Variants in DYNC2H1 observed in about 807,000 individuals in gnomAD.
DYNC2H1 encodes the protein cytoplasmic dynein 2 heavy chain 1.
Under a neutral mutation model 570.0 loss-of-function variants are expected in DYNC2H1, and 410 were observed. That is an observed-to-expected ratio of 0.72 (90% CI 0.66 to 0.78). The LOEUF (loss-of-function observed/expected upper bound fraction) is 0.78, where lower values mean the gene tolerates loss of function less well. DYNC2H1 is among the 30% of genes least tolerant of loss of function. The pLI is 0.00. For synonymous variants in DYNC2H1, 1,688 were observed against 1,677.6 expected (o/e 1.01, Z -0.15); for missense variants, 4,865 against 5,046.4 (o/e 0.96, Z 1.09).
At chr11:103,314,283 A>T (rs1344260385) in intron 79 of DYNC2H1, among the ~76,000 whole-genome samples, 4 of 152,132 alleles carry the variant, frequency 2.6e-5, no homozygotes, top group Non-Finnish European at 5.9e-5. Flanking sequence ...TTTATAACTC[A>T]AACAGTAGGT....
intron 85 of DYNC2H1, among the ~76,000 whole-genome samples, chr11:103,442,409 T>G (rs1363187827): frequency 1.3e-5 from 2 of 152,148 alleles, no homozygotes; most frequent in Non-Finnish European, 2.9e-5. Context: ...TTAGGGTATA[T>G]ATCTGAAATT....
At position 103,165,981 on chromosome 11, in the gene DYNC2H1, A is replaced by G. The variant is rs1459995578; in HGVS notation, c.4695A>G (p.Thr1565=). ...IKDHSLHQIE[T]QLVNKLEQYT... ...ATCATAGTCTTCATCAGATTGAAAC[A>G]CAACTGGTGAATAAGTTAGAGCAAT... Residue 1565 remains threonine, a synonymous_variant, in exon 31 of 89, where the codon ACA becomes ACG. Coordinates refer to ENST00000375735, the MANE Select transcript of DYNC2H1 (RefSeq NM_001377.3). 1 of 1,531,348 alleles carries G rather than the reference A, an allele frequency of 6.5e-7. No homozygotes were observed. 94.9% of individuals were successfully genotyped at this position (1,531,348 alleles called of 1,614,324 possible).
chr11:103,196,516 A>G (rs1041835918), intron 47 of DYNC2H1, among the ~76,000 whole-genome samples: 4 of 152,194 alleles, frequency 2.6e-5, no homozygotes, highest in Admixed American at 6.5e-5. Context: ...GGACTAGCCC[A>G]GAACATAGGA....
chr11:103,210,649 G>A (rs1245819644), intron 53 of DYNC2H1, among the ~76,000 whole-genome samples: 1 of 152,054 alleles, frequency 6.6e-6, no homozygotes, highest in Non-Finnish European at 1.5e-5. Context: ...CTTCAGACTA[G>A]CAGATATTAT....
Position 103,464,538 on chromosome 11 carries a change from AG to A in DYNC2H1, c.12649-4050del, listed in dbSNP as rs200046454. ...CAAAGTACCAAAAATAATAAACAAAAGTAAATTAAAGAGGAAAATCTTCAAA... is the reference window on the plus strand; with the variant it reads ...CAAAGTACCAAAAATAATAAACAAAATAAATTAAAGAGGAAAATCTTCAAA... On this transcript the variant is annotated intron_variant, in intron 87 of 88. Transcript: ENST00000375735. Among the ~76,000 whole-genome samples, 760 of 152,304 alleles carry A rather than the reference AG, an allele frequency of 5.0e-3. 26 individuals are homozygous for A. The highest frequency in any genetic ancestry group is 0.045 in the Admixed American group (687 of 15,296).
In DYNC2H1 at chr11:103,323,042, G is replaced by A. The variant is rs1251461011; in HGVS notation, c.11935-844G>A. 2.6e-5 allele frequency among the ~76,000 whole-genome samples: 4 copies of A among 152,262 alleles called. No individual in the cohort carries two copies. In the South Asian group the frequency reaches 8.3e-4, roughly 32 times the overall value. On this transcript the variant is annotated intron_variant, in intron 81 of 88. Coordinates refer to ENST00000375735, the MANE Select transcript of DYNC2H1 (RefSeq NM_001377.3). ...ACTGTCTCCTTGGAAATACTTCAGGGTCAGCTGCCAAGGATAAGAACGGAT... is the reference window on the plus strand; with the variant it reads ...ACTGTCTCCTTGGAAATACTTCAGGATCAGCTGCCAAGGATAAGAACGGAT...
At chr11:103,460,441 A>T (rs1035824260) in intron 87 of DYNC2H1, among the ~76,000 whole-genome samples, 8 of 136,834 alleles carry the variant, frequency 5.8e-5, no homozygotes, top group Admixed American at 1.6e-4. Context: ...CAACCAGAAA[A>T]TCCCAAGCTT....
At chr11:103,391,993 G>A (rs944197855) in intron 83 of DYNC2H1, among the ~76,000 whole-genome samples, 114 of 152,296 alleles carry the variant, frequency 7.5e-4, no homozygotes, top group African/African-American at 1.5e-3. Flanking sequence ...CTCAAACTCC[G>A]TGCTGGGAGA....
intron 74 of DYNC2H1, 57 bp from the exon 75 acceptor site, chr11:103,287,471 TGTTTA>T: frequency 1.6e-6 from 2 of 1,251,896 alleles, no homozygotes; most frequent in Non-Finnish European, 2.3e-6. Flanking sequence ...CATTAATTAT[TGTTTA>T]GTTAAAGTAG....
At chr11:103,224,317 T>G (rs1420533560) in intron 59 of DYNC2H1, among the ~76,000 whole-genome samples, 4 of 152,182 alleles carry the variant, frequency 2.6e-5, no homozygotes, top group Admixed American at 6.5e-5. Context: ...AATGAAATCT[T>G]TAGTGGTGAT....
At chr11:103,137,743 G>GT (rs879644786) in intron 17 of DYNC2H1, among the ~76,000 whole-genome samples, 3 of 152,124 alleles carry the variant, frequency 2.0e-5, no homozygotes, top group Non-Finnish European at 2.9e-5. Context: ...CTTTAAAGTA[G>GT]TTTTTTCCAA....
Position 103,365,370 on chromosome 11 carries a change from A to AT in DYNC2H1, c.12156+7011_12156+7012insT, listed in dbSNP as rs982465346. Among the ~76,000 whole-genome samples, 21 of 151,866 alleles carry AT rather than the reference A, an allele frequency of 1.4e-4. 1 individual carries two copies. Among genetic ancestry groups the AT allele is most frequent in the African/African-American group, 5.1e-4 (21 of 41,322 alleles). On this transcript the variant is annotated intron_variant, in intron 83 of 88. Transcript: ENST00000375735. Reference sequence around the variant, plus strand: ...GAGCGAAATTCCGGCTCAGGAAAAAAAAAAAAGTGTATTGGCCTTTTGTAA... The same window carrying AT: ...GAGCGAAATTCCGGCTCAGGAAAAAATAAAAAAGTGTATTGGCCTTTTGTAA...
At chr11:103,430,585 C>T (rs539669675) in intron 84 of DYNC2H1, among the ~76,000 whole-genome samples, 5 of 152,152 alleles carry the variant, frequency 3.3e-5, no homozygotes, top group African/African-American at 7.2e-5. Flanking sequence ...GTCACTTCCT[C>T]GCTTAAAGGT....
chr11:103,233,255 A>C (rs1864081420), intron 60 of DYNC2H1, among the ~76,000 whole-genome samples: 1 of 150,982 alleles, frequency 6.6e-6, no homozygotes, highest in South Asian at 2.1e-4. Flanking sequence ...TAAGATTTAT[A>C]ATACTTAACT....
rs1393484565 is a variant in DYNC2H1 at position 103,188,655 on chromosome 11, A to T, written c.7292+7A>T. On this transcript the variant is annotated splice_region_variant and intron_variant, in intron 44 of 88. Transcript: ENST00000375735. Reference sequence around the variant, plus strand: ...TTCGTCTTTGTTCTATAGAGTATGTATCTTTGTGTTTCAGATTTTTTAATT... The same window carrying T: ...TTCGTCTTTGTTCTATAGAGTATGTTTCTTTGTGTTTCAGATTTTTTAATT... The T allele has an allele frequency of 3.9e-6, 6 of 1,521,202 alleles. No individual in the cohort carries two copies. Among genetic ancestry groups the T allele is most frequent in the Non-Finnish European group, 5.3e-6 (6 of 1,132,032 alleles). The allele number at this position is 1,521,202 out of a possible 1,614,324, so 94.2% of individuals were successfully genotyped here. A position where few individuals can be genotyped will look rare whatever the true frequency, so the allele number is the denominator to read the frequency against.
At chr11:103,143,575 T>C (rs1860081169) in intron 18 of DYNC2H1, among the ~76,000 whole-genome samples, 180 bp downstream of exon 18, 1 of 152,098 alleles carries the variant, frequency 6.6e-6, no homozygotes, top group African/African-American at 2.4e-5. Context: ...GTTTTCCTTC[T>C]AGAAGCTCTG....
intron 83 of DYNC2H1, among the ~76,000 whole-genome samples, chr11:103,372,103 C>T (rs1394142517): frequency 5.9e-5 from 8 of 135,686 alleles, no homozygotes; most frequent in African/African-American, 1.4e-4. Flanking sequence ...TGCAGTGGCA[C>T]GATCTTGCTC....
At chr11:103,443,632 T>G (rs1051039096) in intron 85 of DYNC2H1, among the ~76,000 whole-genome samples, 1 of 151,118 alleles carries the variant, frequency 6.6e-6, no homozygotes, top group Non-Finnish European at 1.5e-5. Flanking sequence ...TGAAAATTAT[T>G]GGTAATCTAT....
At chr11:103,347,275 A>C (rs1038212116) in intron 82 of DYNC2H1, among the ~76,000 whole-genome samples, 1 of 152,162 alleles carries the variant, frequency 6.6e-6, no homozygotes, top group Admixed American at 6.5e-5. Flanking sequence ...AATACATAAC[A>C]ATTTATGACC....
Sources: gnomAD v4.1 joint callset for allele counts (sites outside exome capture counted in the v4.1 genomes callset) on GRCh38, gnomAD v4.1.1 for gene constraint, MANE v1.5 for transcripts, NCBI Gene and HGNC (gene_info 2026-07-23, HGNC 2026-07-21) for gene names.